The following RRBP1 variants were observed in gnomAD, a reference collection of about 807,000 sequenced individuals.
RRBP1 encodes ribosome binding protein 1.
RRBP1 carries 94 observed loss-of-function variants against 165.2 expected under a neutral mutation model. The ratio of observed to expected loss-of-function variants is 0.57; its 90% CI spans 0.48 to 0.68. RRBP1 has a LOEUF of 0.68. Among genes scored for constraint, RRBP1 ranks in the 30% least tolerant of loss-of-function variants. The probability of loss-of-function intolerance (pLI) is 0.00; values close to 1 mark genes in which losing one functional copy is unlikely to be tolerated. For missense variants in RRBP1, 1,676 were observed against 1,763.0 expected (o/e 0.95, Z 0.88); for synonymous variants, 680 against 714.5 (o/e 0.95, Z 0.77).
chr20:17,627,490 G>A lies in RRBP1; in HGVS notation c.2928+14C>T. ...GTTCCCTTTCCTCCCCGTGGCCCCAGGCAGAAGGCTGACCTGGACGTCCTG... is the reference window on the plus strand; with the variant it reads ...GTTCCCTTTCCTCCCCGTGGCCCCAAGCAGAAGGCTGACCTGGACGTCCTG... On this transcript the variant is annotated intron_variant, in intron 10 of 24. Coordinates refer to ENST00000377813, the MANE Select transcript of RRBP1 (RefSeq NM_001365613.2). 2 of 1,606,948 alleles carry A rather than the reference G, an allele frequency of 1.2e-6. No homozygotes were observed. The highest frequency in any genetic ancestry group is 1.1e-5 in the South Asian group (1 of 90,440).
intron 2 of RRBP1, among the ~76,000 whole-genome samples, chr20:17,677,729 C>T (rs2037108838): frequency 6.6e-6 from 1 of 152,066 alleles, no homozygotes; most frequent in African/African-American, 2.4e-5. Context: ...ATCCCAGCTA[C>T]TTGGGAGGCT....
intron 3 of RRBP1, among the ~76,000 whole-genome samples, chr20:17,647,953 T>A (rs1264003518): frequency 6.6e-6 from 1 of 152,106 alleles, no homozygotes; most frequent in Admixed American, 6.5e-5. Context: ...CAAACTCAGG[T>A]CTGCTGTAAG....
At chr20:17,668,336 GTTTT>G (rs1368044447) in intron 2 of RRBP1, among the ~76,000 whole-genome samples, 6 of 152,164 alleles carry the variant, frequency 3.9e-5, no homozygotes, top group African/African-American at 1.2e-4. Context: ...TATTCGATTT[GTTTT>G]TTAAGTCTGA....
At chr20:17,635,196 C>T (rs1237298415) in intron 7 of RRBP1, among the ~76,000 whole-genome samples, 1 of 152,146 alleles carries the variant, frequency 6.6e-6, no homozygotes, top group Non-Finnish European at 1.5e-5. Context: ...CTGTGGGCTG[C>T]GGTGCTTCAG....
chr20:17,651,173 G>A (rs999361246), intron 3 of RRBP1, among the ~76,000 whole-genome samples: 4 of 152,154 alleles, frequency 2.6e-5, no homozygotes, highest in East Asian at 3.9e-4. Flanking sequence ...CTTATCCCAC[G>A]TCTGGGTTTA....
At chr20:17,646,930 G>A (rs528604590) in intron 3 of RRBP1, among the ~76,000 whole-genome samples, 1 of 152,316 alleles carries the variant, frequency 6.6e-6, no homozygotes, top group Admixed American at 6.5e-5. Context: ...AGCTGCTGGA[G>A]CACCCCTGCA....
Position 17,673,817 on chromosome 20 carries a change from G to C in RRBP1, c.-22+6182C>G, listed in dbSNP as rs191386626. Among the ~76,000 whole-genome samples the C allele has an allele frequency of 1.2e-4, 18 of 152,316 alleles. 1 individual carries two copies. Among genetic ancestry groups the C allele is most frequent in the Admixed American group, 1.1e-3 (17 of 15,308 alleles). ...AGACTAACTTAGCTTCAGAGCAGTGGCTAAAGTTGACCTTTTAAGAGTCCT... is the reference window on the plus strand; with the variant it reads ...AGACTAACTTAGCTTCAGAGCAGTGCCTAAAGTTGACCTTTTAAGAGTCCT... On this transcript the variant is annotated intron_variant, in intron 2 of 24. Coordinates refer to ENST00000377813, the MANE Select transcript of RRBP1 (RefSeq NM_001365613.2).
chr20:17,629,673 T>C, intron 9 of RRBP1, 150 bp downstream of exon 9: 1 of 830,714 alleles, frequency 1.2e-6, no homozygotes, highest in Non-Finnish European at 1.8e-6. Flanking sequence ...TCCCCTGCTC[T>C]TTGACTTTCT....
chr20:17,619,453 G>C, intron 19 of RRBP1, 180 bp downstream of exon 19: 1 of 489,440 alleles, frequency 2.0e-6, no homozygotes, highest in Non-Finnish European at 3.6e-6. Flanking sequence ...CCTGCCCTGA[G>C]AGACACCTCA....
intron 9 of RRBP1, among the ~76,000 whole-genome samples, chr20:17,628,129 G>A (rs1313291726): frequency 6.6e-6 from 1 of 152,034 alleles, no homozygotes; most frequent in Non-Finnish European, 1.5e-5. Context: ...AAGGCCAGGG[G>A]GTGACTCTTC....
At chr20:17,681,550 A>AC (rs5840781) in intron 1 of RRBP1, among the ~76,000 whole-genome samples, 145,190 of 145,312 alleles carry the variant, frequency 1, 72,534 homozygotes, top group Middle Eastern at 1. Context: ...TTCCGCCCGC[A>AC]CCCCACCCCT....
At position 17,616,727 on chromosome 20, in the gene RRBP1, C is replaced by T. The variant is rs1199000193; in HGVS notation, c.3867+5G>A. On this transcript the variant is annotated splice_donor_5th_base_variant and intron_variant, in intron 21 of 24. Transcript: ENST00000377813. ...TGTGTCTGGGGACCAGCTCACCGCC[C>T]TAACCTGAACGGGGTCCTGCTCGGC... The T allele has an allele frequency of 7.5e-6, 12 of 1,602,344 alleles. No individual in the cohort carries two copies. The highest frequency in any genetic ancestry group is 1.1e-5 in the South Asian group (1 of 90,590).
chr20:17,633,552 C>T lies in RRBP1; in HGVS notation c.2518G>A (p.Glu840Lys). The T allele has an allele frequency of 2.5e-6, 4 of 1,614,114 alleles. No homozygotes were observed. Among genetic ancestry groups the T allele is most frequent in the Non-Finnish European group, 3.4e-6 (4 of 1,180,038 alleles). The change falls in exon 8 of 25, where the codon GAG becomes AAG. Residue 840 changes from glutamate to lysine, a missense_variant. Glu to Lys is a moderately conservative substitution (Grantham distance 56). This residue lies in a region of RRBP1 where 1,184 missense variants were observed against 1,167.1 expected (regional missense o/e 1.01). Coordinates refer to ENST00000377813, the MANE Select transcript of RRBP1 (RefSeq NM_001365613.2). ...ELSKVSKELV[E>K]KSEAVRQDEQ... ...TCTTGCCGCACAGCCTCTGACTTCT[C>T]CACCAGCTCTTTGCTGACCTTGCTG...
At chr20:17,653,458 G>A (rs968898731) in intron 3 of RRBP1, among the ~76,000 whole-genome samples, 1 of 152,256 alleles carries the variant, frequency 6.6e-6, no homozygotes, top group Non-Finnish European at 1.5e-5. Flanking sequence ...CAGCTGCAAA[G>A]AGCAGAAAAT....
Position 17,625,514 on chromosome 20 carries a change from T to C in RRBP1, c.3052A>G (p.Asn1018Asp), listed in dbSNP as rs771244335. Residue 1018 changes from asparagine to aspartate, a missense_variant and splice_region_variant, in exon 12 of 25, where the codon AAT becomes GAT. Transcript: ENST00000377813. ...CCGCCTGTGCCTGCCGCACTCACAT[T>C]GTTCTTCACTTTCTGCTGCTCGACG... ...EAVEQQKVKN[N>D]DLREKNWKAM... 2 of 1,613,628 alleles carry C rather than the reference T, an allele frequency of 1.2e-6. No homozygotes were observed. Among genetic ancestry groups the C allele is most frequent in the East Asian group, 2.2e-5 (1 of 44,860 alleles).
intron 19 of RRBP1, 155 bp from the exon 20 acceptor site, chr20:17,618,834 G>A: frequency 1.6e-6 from 1 of 633,030 alleles, no homozygotes; most frequent in South Asian, 1.8e-5. Flanking sequence ...GGGCTCGCCA[G>A]GCTTCCTACA....
rs1393308869 is a variant in RRBP1, at chr20:17,615,627, C to G, written c.3952-98G>C. On this transcript the variant is annotated intron_variant, in intron 22 of 24. Coordinates refer to ENST00000377813, the MANE Select transcript of RRBP1 (RefSeq NM_001365613.2). ...ACGCCTGGGGACCAGGGGGCCCCCC[C>G]AGCCTGATGGAGCAACAGCTCCATC... 5.5e-6 allele frequency: 5 copies of G among 910,920 alleles called. No individual in the cohort carries two copies. In the South Asian group the frequency reaches 7.5e-5, roughly 14 times the overall value. 56.4% of individuals were successfully genotyped at this position (910,920 alleles called of 1,614,324 possible).
Position 17,643,239 on chromosome 20 carries a change from G to C in RRBP1, c.1913-112C>G. ...TGGTCACAGCCACGAAGAGCTCTCT[G>C]ACTGCTTGGGGTCAGCAGGCTGAGC... On this transcript the variant is annotated intron_variant, in intron 3 of 24. Transcript: ENST00000377813. The surrounding 1 kb of genome is among the most constrained non-coding windows in gnomAD (Gnocchi z 4.3). The C allele has an allele frequency of 8.9e-7, 1 of 1,127,336 alleles. No individual in the cohort carries two copies. The highest frequency in any genetic ancestry group is 1.3e-6 in the Non-Finnish European group (1 of 797,452). The allele number at this position is 1,127,336 out of a possible 1,614,324, so 69.8% of individuals were successfully genotyped here. A position where few individuals can be genotyped will look rare whatever the true frequency, so the allele number is the denominator to read the frequency against.
In RRBP1 at chr20:17,635,628, TGG is replaced by T; in HGVS notation, c.2372_2373del (p.Pro791GlnfsTer58). On this transcript the variant is annotated frameshift_variant, in exon 7 of 25. Transcript: ENST00000377813. LOFTEE classifies it high-confidence loss of function. ...RTLQEQLENG[P>X]NTQLARLQQE... ...TGCTGCAGGCGGGCCAGCTGCGTGT[TGG>T]GGCCATTCTCCAGCTGCTCCTGAAG... is the stretch of plus-strand genomic sequence containing the variant. 6.2e-7 allele frequency: 1 copy of T among 1,613,546 alleles called. No individual in the cohort carries two copies. The highest frequency in any genetic ancestry group is 1.7e-4 in the Middle Eastern group (1 of 6,054).
Sources: allele counts gnomAD v4.1 joint callset (sites outside exome capture counted in the v4.1 genomes callset), GRCh38; gene constraint gnomAD v4.1.1; regional missense constraint gnomAD v4.1.1; non-coding constraint Gnocchi (gnomAD v3.1); transcripts MANE v1.5; gene names NCBI Gene and HGNC (gene_info 2026-07-23, HGNC 2026-07-21).